DCC: variants seen among roughly 807,000 people sequenced by gnomAD.
DCC encodes DCC netrin 1 receptor, also known as netrin receptor DCC.
A neutral mutation model predicts 172.5 loss-of-function variants in DCC; 58 were observed. That is an observed-to-expected ratio of 0.34 (90% confidence interval 0.27 to 0.42). DCC has a LOEUF of 0.42. Ranked by LOEUF, DCC falls within the 10% of genes least tolerant of loss-of-function variation. The pLI, the probability that DCC is intolerant of heterozygous loss-of-function variation, is 1.00. For missense variants in DCC, 1,740 were observed against 1,791.0 expected (o/e 0.97, Z 0.51); for synonymous variants, 709 against 644.5 (o/e 1.10, Z -1.52).
At chr18:53,116,148 TC>T (rs1490781173) in intron 7 of DCC, among the ~76,000 whole-genome samples, 1 of 151,670 alleles carries the variant, frequency 6.6e-6, no homozygotes, top group Non-Finnish European at 1.5e-5. Flanking sequence ...GTGGAGAGTG[TC>T]CAGGTTCTTG....
At chr18:52,644,996 T>C (rs1327750855) in intron 1 of DCC, among the ~76,000 whole-genome samples, 2 of 152,202 alleles carry the variant, frequency 1.3e-5, no homozygotes, top group African/African-American at 4.8e-5. Context: ...TTATCTCTTC[T>C]ATTTAGGGAA....
chr18:53,001,592 C>A (rs1181589797), intron 5 of DCC, among the ~76,000 whole-genome samples: 3 of 152,036 alleles, frequency 2.0e-5, no homozygotes. Context: ...TATCTATAAG[C>A]TACAAGAGAC....
chr18:53,097,300 C>A (rs1291480856), intron 7 of DCC, among the ~76,000 whole-genome samples: 1 of 152,128 alleles, frequency 6.6e-6, no homozygotes, highest in Non-Finnish European at 1.5e-5. Flanking sequence ...GATCACTTCC[C>A]GGTTGCCCTT....
intron 7 of DCC, among the ~76,000 whole-genome samples, chr18:53,094,132 C>CA (rs2144192040): frequency 6.6e-6 from 1 of 152,242 alleles, no homozygotes; most frequent in African/African-American, 2.4e-5. Context: ...TATTTACAGA[C>CA]TTTTCCCAAG....
chr18:53,305,456 G>T, intron 12 of DCC, 122 bp from the exon 13 acceptor site: 1 of 765,200 alleles, frequency 1.3e-6, no homozygotes. Flanking sequence ...GTCTCTAAGT[G>T]GCAATCGCTA....
chr18:52,553,714 G>A (rs1186734961), intron 1 of DCC, among the ~76,000 whole-genome samples: 2 of 152,050 alleles, frequency 1.3e-5, no homozygotes, highest in South Asian at 2.1e-4. Flanking sequence ...GGGTCTAGAG[G>A]AGAGTAGGGG....
chr18:52,809,971 G>A lies in DCC; in HGVS notation c.412+57597G>A, dbSNP rs192536770. On this transcript the variant is annotated intron_variant, in intron 2 of 28. Coordinates refer to ENST00000442544, the MANE Select transcript of DCC (RefSeq NM_005215.4). ...AGTTTTACAAGTCCCGTGTTTAAAG[G>A]TGGGTGTGGTCACCTTCCCCAGCTA... 2.5e-3 allele frequency among the ~76,000 whole-genome samples: 377 copies of A among 152,178 alleles called. 1 individual carries two copies. Among genetic ancestry groups the A allele is most frequent in the Non-Finnish European group, 4.0e-3 (273 of 68,012 alleles).
chr18:52,601,458 T>C (rs2034016769), intron 1 of DCC, among the ~76,000 whole-genome samples: 1 of 152,110 alleles, frequency 6.6e-6, no homozygotes, highest in African/African-American at 2.4e-5. Flanking sequence ...GTCAATAATA[T>C]AAGCTTATTC....
At chr18:53,188,685 T>C (rs1279229606) in intron 9 of DCC, among the ~76,000 whole-genome samples, 1 of 152,298 alleles carries the variant, frequency 6.6e-6, no homozygotes, top group Non-Finnish European at 1.5e-5. Context: ...AACAACAAAA[T>C]GTATTTTCTG....
chr18:52,461,956 C>A (rs1157402461), intron 1 of DCC, among the ~76,000 whole-genome samples: 2 of 152,188 alleles, frequency 1.3e-5, no homozygotes, highest in African/African-American at 2.4e-5. Context: ...CCTCCTGTAA[C>A]CTTCTCTGAG....
intron 2 of DCC, among the ~76,000 whole-genome samples, chr18:52,864,925 G>T (rs377196962): frequency 6.6e-6 from 1 of 151,868 alleles, no homozygotes; most frequent in Non-Finnish European, 1.5e-5. Flanking sequence ...GAGTGCAGTG[G>T]CATGATCTTG....
rs182374933 is a variant in DCC, at chr18:52,762,970, T to A, written c.412+10596T>A. ...TAGGTTACCCAGAGATATTTAGATA[T>A]AAACACAGTACACAGACACATTCAC... On this transcript the variant is annotated intron_variant, in intron 2 of 28. Transcript: ENST00000442544. Among the ~76,000 whole-genome samples the A allele has an allele frequency of 8.3e-4, 126 of 152,330 alleles. 1 individual carries two copies. In the Middle Eastern group the frequency reaches 0.01, roughly 12 times the overall value.
chr18:52,874,541 G>T (rs1185812498), intron 2 of DCC, among the ~76,000 whole-genome samples: 1 of 152,118 alleles, frequency 6.6e-6, no homozygotes, highest in Admixed American at 6.6e-5. Flanking sequence ...TTGACCAAAA[G>T]TTTTCAGGTT....
intron 3 of DCC, among the ~76,000 whole-genome samples, chr18:52,915,833 T>C (rs998860081): frequency 9.2e-5 from 14 of 152,220 alleles, no homozygotes; most frequent in African/African-American, 3.4e-4. Context: ...CATTTCTATG[T>C]TGAAGGAAAA....
intron 2 of DCC, among the ~76,000 whole-genome samples, chr18:52,755,502 T>C (rs976293683): frequency 6.6e-6 from 1 of 152,338 alleles, no homozygotes; most frequent in Middle Eastern, 3.4e-3. Context: ...AATAAGGCTG[T>C]TCACAGCATT....
chr18:53,445,666 T>C (rs570247409), intron 22 of DCC, among the ~76,000 whole-genome samples: 20 of 152,320 alleles, frequency 1.3e-4, no homozygotes, highest in African/African-American at 4.8e-4. Context: ...AAAAACAAGT[T>C]ACTTCAATGA....
intron 5 of DCC, among the ~76,000 whole-genome samples, chr18:53,046,490 G>T (rs1182214135): frequency 1.5e-5 from 2 of 136,924 alleles, no homozygotes. Flanking sequence ...AAAAAAAAAA[G>T]CCTGCAGATA....
intron 1 of DCC, among the ~76,000 whole-genome samples, chr18:52,403,335 C>A (rs1005437215): frequency 1.3e-5 from 2 of 151,996 alleles, no homozygotes; most frequent in Non-Finnish European, 2.9e-5. Context: ...GAAAGCTGAA[C>A]AGCCCTTGAT....
intron 2 of DCC, among the ~76,000 whole-genome samples, chr18:52,838,223 T>C (rs2038745889): frequency 6.6e-6 from 1 of 152,218 alleles, no homozygotes; most frequent in African/African-American, 2.4e-5. Flanking sequence ...AAATTTTTAT[T>C]TGAGGCTTTA....
Sources: allele counts gnomAD v4.1 joint callset (sites outside exome capture counted in the v4.1 genomes callset), GRCh38; gene constraint gnomAD v4.1.1; transcripts MANE v1.5; gene names NCBI Gene and HGNC (gene_info 2026-07-23, HGNC 2026-07-21).